MYO18B: variants seen among roughly 807,000 people sequenced by gnomAD.
MYO18B encodes the protein unconventional myosin-XVIIIb.
A neutral mutation model predicts 273.0 loss-of-function variants in MYO18B; 204 were observed. That is an observed-to-expected ratio of 0.75 (90% CI 0.67 to 0.84). The LOEUF (loss-of-function observed/expected upper bound fraction) is 0.84, where lower values mean the gene tolerates loss of function less well. Among genes scored for constraint, MYO18B ranks in the 40% least tolerant of loss-of-function variants. MYO18B has a pLI of 0.00. For synonymous variants in MYO18B, 1,330 were observed against 1,305.7 expected (o/e 1.02, Z -0.40); for missense variants, 3,212 against 3,287.6 (o/e 0.98, Z 0.56).
chr22:26,046,222 A>T, the MYO18B span, among the ~76,000 whole-genome samples: 1 of 152,174 alleles, frequency 6.6e-6, no homozygotes, highest in Non-Finnish European at 1.5e-5. Context: ...AAACCTTAGG[A>T]TACTTGTTAC....
chr22:25,784,530 A>T (rs2087297102), intron 10 of MYO18B, among the ~76,000 whole-genome samples: 1 of 152,220 alleles, frequency 6.6e-6, no homozygotes, highest in Non-Finnish European at 1.5e-5. Flanking sequence ...GTCACGAGGC[A>T]GAGAGGGGTG....
intron 16 of MYO18B, among the ~76,000 whole-genome samples, chr22:25,833,503 C>A (rs1165193714): frequency 6.6e-6 from 1 of 152,116 alleles, no homozygotes; most frequent in African/African-American, 2.4e-5. Context: ...ACTCTCTCCA[C>A]CCCTAGAACT....
chr22:25,957,161 C>T (rs1032623421), intron 39 of MYO18B, among the ~76,000 whole-genome samples: 1 of 152,224 alleles, frequency 6.6e-6, no homozygotes, highest in Non-Finnish European at 1.5e-5. Flanking sequence ...ACATCCCCAG[C>T]CTTTCTCCTC....
intron 27 of MYO18B, among the ~76,000 whole-genome samples, chr22:25,891,953 G>T (rs1489726038): frequency 1.3e-5 from 2 of 152,136 alleles, no homozygotes; most frequent in Non-Finnish European, 2.9e-5. Context: ...ACTTAAGCCT[G>T]GGAGACCTAG....
In MYO18B at chr22:25,770,864, C is replaced by T; in HGVS notation, c.1580-8C>T. ...CGTTCCCCTTCTCTCTCTGGGATGTCCAACCAGCTACGGTGCTAAAGCCAG... is the reference window on the plus strand; with the variant it reads ...CGTTCCCCTTCTCTCTCTGGGATGTTCAACCAGCTACGGTGCTAAAGCCAG... On this transcript the variant is annotated splice_region_variant and splice_polypyrimidine_tract_variant and intron_variant, in intron 5 of 43. Coordinates refer to ENST00000335473, the MANE Select transcript of MYO18B (RefSeq NM_032608.7). 6.5e-7 allele frequency: 1 copy of T among 1,549,512 alleles called. No individual in the cohort carries two copies.
chr22:26,017,489 A>G (rs951632063), intron 42 of MYO18B, among the ~76,000 whole-genome samples: 1 of 152,136 alleles, frequency 6.6e-6, no homozygotes, highest in Non-Finnish European at 1.5e-5. Flanking sequence ...TCTTCTAAGA[A>G]GGACATTTTC....
chr22:25,783,687 G>A (rs975204635), intron 10 of MYO18B, among the ~76,000 whole-genome samples: 8 of 152,220 alleles, frequency 5.3e-5, no homozygotes, highest in Admixed American at 4.6e-4. Flanking sequence ...GATGCCAGAC[G>A]TTCATTCCAA....
the MYO18B span, among the ~76,000 whole-genome samples, chr22:26,041,342 C>A: frequency 7.8e-6 from 1 of 128,240 alleles, no homozygotes; most frequent in African/African-American, 3.4e-5. Context: ...TGGTGAAACC[C>A]TGTCTCTACC....
Position 25,770,093 on chromosome 22 carries a change from G to A in MYO18B, c.1513-17G>A, listed in dbSNP as rs374833385. ...GGTGCCATTTGCTGGTTTAATTTAC[G>A]TGATGTTGGTTCTCAGGCTCCTGAG... On this transcript the variant is annotated splice_polypyrimidine_tract_variant and intron_variant, in intron 4 of 43. Coordinates refer to ENST00000335473, the MANE Select transcript of MYO18B (RefSeq NM_032608.7). 2.9e-5 allele frequency: 47 copies of A among 1,613,586 alleles called. No individual in the cohort carries two copies. The highest frequency in any genetic ancestry group is 6.6e-5 in the South Asian group (6 of 91,064).
At chr22:25,922,321 A>T (rs1284826593) in intron 34 of MYO18B, among the ~76,000 whole-genome samples, 1 of 152,088 alleles carries the variant, frequency 6.6e-6, no homozygotes, top group African/African-American at 2.4e-5. Flanking sequence ...CTGGGGACCT[A>T]AGGAGATGTG....
At chr22:25,808,420 A>G (rs933275636) in intron 12 of MYO18B, among the ~76,000 whole-genome samples, 2 of 152,236 alleles carry the variant, frequency 1.3e-5, no homozygotes, top group African/African-American at 2.4e-5. Flanking sequence ...GGATCTTGCA[A>G]TCTTTGTCAA....
chr22:26,055,361 A>T, the MYO18B span, among the ~76,000 whole-genome samples: 1 of 152,300 alleles, frequency 6.6e-6, no homozygotes, highest in African/African-American at 2.4e-5. Context: ...GGAAAGAGCC[A>T]TGTTCTGGTC....
At chr22:25,747,377 C>T (rs1314364063) in intron 1 of MYO18B, among the ~76,000 whole-genome samples, 3 of 152,200 alleles carry the variant, frequency 2.0e-5, no homozygotes, top group Admixed American at 1.3e-4. Flanking sequence ...CAGAATGTTT[C>T]TCAATACAAC....
At position 25,895,142 on chromosome 22, in the gene MYO18B, A is replaced by C. The variant is rs778029527; in HGVS notation, c.4544-14A>C. 4.1e-5 allele frequency: 66 copies of C among 1,611,596 alleles called. No homozygotes were observed. The highest frequency in any genetic ancestry group is 5.4e-5 in the Non-Finnish European group (64 of 1,178,676). ...TTGGCCTCTTATCCTGGTCTCCCTG[A>C]CTCCGTTAAACAGCAGACGAGTGGC... On this transcript the variant is annotated splice_polypyrimidine_tract_variant and intron_variant, in intron 27 of 43. Coordinates refer to ENST00000335473, the MANE Select transcript of MYO18B (RefSeq NM_032608.7).
chr22:25,887,124 A>G (rs1229209366), intron 25 of MYO18B, among the ~76,000 whole-genome samples: 2 of 152,158 alleles, frequency 1.3e-5, no homozygotes, highest in Non-Finnish European at 2.9e-5. Flanking sequence ...TTGACAGTCT[A>G]TGAATATAAG....
chr22:25,902,545 G>C, intron 29 of MYO18B, 68 bp from the exon 30 acceptor site: 1 of 1,534,216 alleles, frequency 6.5e-7, no homozygotes, highest in Non-Finnish European at 8.8e-7. Context: ...GCCCCTCCCT[G>C]CCCCTGCCTC....
At chr22:25,895,078 A>G in intron 27 of MYO18B, 78 bp from the exon 28 acceptor site, 2 of 1,519,978 alleles carry the variant, frequency 1.3e-6, no homozygotes, top group East Asian at 4.7e-5. Context: ...GAGCCAAGAA[A>G]GTGGAGGAGA....
At chr22:25,975,016 T>G (rs1306850214) in intron 39 of MYO18B, among the ~76,000 whole-genome samples, 2 of 152,126 alleles carry the variant, frequency 1.3e-5, no homozygotes, top group Non-Finnish European at 2.9e-5. Flanking sequence ...AATGCCTGGC[T>G]TCCAAAGTTC....
At chr22:25,857,784 G>A (rs2090617088) in intron 21 of MYO18B, among the ~76,000 whole-genome samples, 1 of 152,210 alleles carries the variant, frequency 6.6e-6, no homozygotes. Flanking sequence ...CTCCTGAGTA[G>A]CTGGGACTAC....
Sources: allele counts gnomAD v4.1 joint callset (sites outside exome capture counted in the v4.1 genomes callset), GRCh38; gene constraint gnomAD v4.1.1; transcripts MANE v1.5; gene names NCBI Gene and HGNC (gene_info 2026-07-23, HGNC 2026-07-21).